Variants in GRM5 observed in about 807,000 individuals in gnomAD.
GRM5 encodes the protein glutamate metabotropic receptor 5, also known as metabotropic glutamate receptor 5.
In GRM5, 19 loss-of-function variants were observed where a neutral mutation model predicts 83.1. The observed-to-expected ratio is 0.23, with a 90% CI of 0.16 to 0.34. The LOEUF (loss-of-function observed/expected upper bound fraction) is 0.34, where lower values mean the gene tolerates loss of function less well. Ranked by LOEUF, GRM5 falls within the 10% of genes least tolerant of loss-of-function variation. The probability of loss-of-function intolerance (pLI) is 1.00; values close to 1 mark genes in which losing one functional copy is unlikely to be tolerated. For synonymous variants in GRM5, 675 were observed against 633.6 expected, an observed-to-expected ratio of 1.07 and a Z score of -0.98; for missense variants, 1,160 against 1,588.3, an observed-to-expected ratio of 0.73 and a Z score of 4.58.
At chr11:88,996,322 G>C (rs1940186550) in intron 2 of GRM5, among the ~76,000 whole-genome samples, 1 of 152,202 alleles carries the variant, frequency 6.6e-6, no homozygotes, top group Admixed American at 6.5e-5. Context: ...CTGAAGAGAA[G>C]AAATGGTATT....
At chr11:88,557,641 T>G (rs1277185692) in intron 8 of GRM5, among the ~76,000 whole-genome samples, 2 of 152,194 alleles carry the variant, frequency 1.3e-5, no homozygotes. Flanking sequence ...ACACACATTT[T>G]ACATGCTTGT....
intron 3 of GRM5, among the ~76,000 whole-genome samples, chr11:88,777,636 G>C (rs1432624726): frequency 1.3e-5 from 2 of 151,946 alleles, no homozygotes; most frequent in Admixed American, 1.3e-4. Flanking sequence ...TTACCTTTTT[G>C]TTGATGTTGA....
intron 1 of GRM5, among the ~76,000 whole-genome samples, chr11:89,049,207 G>GT (rs1335393540): frequency 6.6e-6 from 1 of 152,128 alleles, no homozygotes; most frequent in African/African-American, 2.4e-5. Flanking sequence ...CTAAAAGGAT[G>GT]TATGTTTGGA....
intron 4 of GRM5, among the ~76,000 whole-genome samples, chr11:88,613,967 A>G (rs1305385794): frequency 3.3e-5 from 5 of 152,162 alleles, no homozygotes; most frequent in Non-Finnish European, 4.4e-5. Context: ...CATGCTAAGT[A>G]AAGAAGAGGT....
chr11:88,851,446 C>T (rs542866676), intron 2 of GRM5, among the ~76,000 whole-genome samples: 10 of 152,234 alleles, frequency 6.6e-5, no homozygotes, highest in African/African-American at 2.4e-4. Context: ...GCATAGGGTT[C>T]ACTACATGTC....
intron 6 of GRM5, among the ~76,000 whole-genome samples, chr11:88,592,014 A>C (rs1937650250): frequency 6.6e-6 from 1 of 152,192 alleles, no homozygotes; most frequent in Admixed American, 6.5e-5. Context: ...TGTTAGGGTA[A>C]ATAAGGGATC....
At position 88,567,966 on chromosome 11, in the gene GRM5, G is replaced by T. The variant is rs1450780218; in HGVS notation, c.1717C>A (p.Leu573Ile). 1.2e-6 allele frequency: 2 copies of T among 1,613,308 alleles called. No individual in the cohort carries two copies. Among genetic ancestry groups the T allele is most frequent in the Non-Finnish European group, 1.7e-6 (2 of 1,179,578 alleles). ...TGCDLIPVQY[L>I]RWGDPEPIAA... ...ATGGGTTCAGGGTCACCCCATCGAA[G>T]ATACTGTACTGGGATCAAGTCACAA... The change falls in exon 8 of 10, where the codon CTT becomes ATT. Residue 573 changes from leucine to isoleucine, a missense_variant. By Grantham distance (5) the Leu-to-Ile change is conservative (BLOSUM62 2). Coordinates refer to ENST00000305447, the MANE Select transcript of GRM5 (RefSeq NM_001143831.3). This position sits in a 1 kb window ranked among gnomAD's most constrained non-coding sequence, Gnocchi z 7.3.
intron 4 of GRM5, among the ~76,000 whole-genome samples, chr11:88,639,857 A>G (rs1939242793): frequency 6.6e-6 from 1 of 152,148 alleles, no homozygotes; most frequent in South Asian, 2.1e-4. Context: ...GAGTTTGTAG[A>G]AAATTGGTCT....
intron 3 of GRM5, among the ~76,000 whole-genome samples, chr11:88,777,811 A>T (rs1160081649): frequency 1.3e-5 from 2 of 152,056 alleles, no homozygotes; most frequent in Non-Finnish European, 1.5e-5. Context: ...TTGCTGCCTG[A>T]TCCTTCCTCT....
At chr11:88,960,416 G>A (rs756977528) in intron 2 of GRM5, among the ~76,000 whole-genome samples, 1 of 152,082 alleles carries the variant, frequency 6.6e-6, no homozygotes, top group Non-Finnish European at 1.5e-5. Flanking sequence ...TATTAAAAGG[G>A]CTTTGTGAAA....
At chr11:89,012,895 G>T (rs1940745488) in intron 2 of GRM5, among the ~76,000 whole-genome samples, 1 of 152,172 alleles carries the variant, frequency 6.6e-6, no homozygotes, top group Admixed American at 6.5e-5. Context: ...ATAGCACAGA[G>T]AACTTGTTTC....
At chr11:88,522,187 G>A (rs1006060028) in intron 9 of GRM5, among the ~76,000 whole-genome samples, 2 of 152,120 alleles carry the variant, frequency 1.3e-5, no homozygotes, top group Non-Finnish European at 2.9e-5. Context: ...AGGGGGTGGA[G>A]TAGGGATGAA....
At chr11:88,936,890 A>C (rs1937918453) in intron 2 of GRM5, among the ~76,000 whole-genome samples, 1 of 151,784 alleles carries the variant, frequency 6.6e-6, no homozygotes, top group African/African-American at 2.4e-5. Context: ...ATAGTTTATG[A>C]AATAGTAATC....
At chr11:88,820,374 C>CAA (rs11457342) in intron 3 of GRM5, among the ~76,000 whole-genome samples, 928 of 68,846 alleles carry the variant, frequency 0.013, 67 homozygotes, top group East Asian at 0.081. Flanking sequence ...AACTCCATCT[C>CAA]AAAAAAAAAA....
chr11:88,866,752 G>T (rs1465390879), intron 2 of GRM5, among the ~76,000 whole-genome samples: 2 of 151,648 alleles, frequency 1.3e-5, no homozygotes, highest in Admixed American at 6.6e-5. Context: ...TGCCTTTGCT[G>T]TTGGTGCTTT....
chr11:88,588,440 T>C (rs1028279145), intron 7 of GRM5, among the ~76,000 whole-genome samples: 1 of 152,094 alleles, frequency 6.6e-6, no homozygotes, highest in African/African-American at 2.4e-5. Context: ...CAAAAGTGGA[T>C]TAAGAGGCAT....
At chr11:88,615,811 G>A (rs915617884) in intron 4 of GRM5, among the ~76,000 whole-genome samples, 7 of 151,892 alleles carry the variant, frequency 4.6e-5, no homozygotes, top group Non-Finnish European at 7.4e-5. Flanking sequence ...GGTAAATTGG[G>A]GAATTTTCTT....
chr11:88,893,371 G>C (rs190182395), intron 2 of GRM5, among the ~76,000 whole-genome samples: 1,889 of 152,144 alleles, frequency 0.012, 53 homozygotes, highest in Admixed American at 0.074. Flanking sequence ...ATTTGAGCAT[G>C]TTATAGATGG....
At chr11:89,061,951 T>C (rs1386406305) in intron 1 of GRM5, among the ~76,000 whole-genome samples, 1 of 152,190 alleles carries the variant, frequency 6.6e-6, no homozygotes, top group Non-Finnish European at 1.5e-5. Flanking sequence ...GAAAGCTTTT[T>C]CTCTTAAGAG....
Sources: gnomAD v4.1 joint callset for allele counts (sites outside exome capture counted in the v4.1 genomes callset) on GRCh38, gnomAD v4.1.1 for gene constraint, Gnocchi (gnomAD v3.1) non-coding constraint, MANE v1.5 for transcripts, NCBI Gene and HGNC (gene_info 2026-07-23, HGNC 2026-07-21) for gene names.